MYOZ3: variants seen among roughly 807,000 people sequenced by gnomAD.
MYOZ3 encodes the protein myozenin-3.
Under a neutral mutation model 26.5 loss-of-function variants are expected in MYOZ3, and 19 were observed. The observed-to-expected ratio is 0.72, with a 90% confidence interval of 0.50 to 1.05. MYOZ3 has a LOEUF of 1.05. Ranked by LOEUF, MYOZ3 falls within the 50% of genes least tolerant of loss-of-function variation. The probability of loss-of-function intolerance (pLI) is 0.00; values close to 1 mark genes in which losing one functional copy is unlikely to be tolerated. For synonymous variants in MYOZ3, 135 were observed against 138.8 expected, an observed-to-expected ratio of 0.97 and a Z score of 0.19; for missense variants, 322 against 337.1, an observed-to-expected ratio of 0.96 and a Z score of 0.35.
intron 2 of MYOZ3, among the ~76,000 whole-genome samples, chr5:150,665,949 C>T (rs753171140): frequency 1.3e-5 from 2 of 150,938 alleles, no homozygotes; most frequent in Non-Finnish European, 2.9e-5. Context: ...GCAGGAGAAT[C>T]GCTTGAACCC....
chr5:150,672,679 AGT>A (rs1003270626), intron 6 of MYOZ3, 177 bp downstream of exon 6: 1 of 668,640 alleles, frequency 1.5e-6, no homozygotes, highest in African/African-American at 1.8e-5. Context: ...GTAGGTGCTC[AGT>A]TAACGTGGGA....
At chr5:150,663,782 C>T (rs937179329) in intron 2 of MYOZ3, among the ~76,000 whole-genome samples, 25 of 151,672 alleles carry the variant, frequency 1.6e-4, no homozygotes, top group Admixed American at 1.2e-3. Context: ...ATTGCTTGAG[C>T]CCAGGAGTTT....
intron 5 of MYOZ3, 148 bp downstream of exon 5, chr5:150,672,056 C>A: frequency 1.6e-6 from 2 of 1,279,270 alleles, no homozygotes; most frequent in South Asian, 1.4e-5. Context: ...CGCCAGACCA[C>A]GAGCCGGAGG....
intron 2 of MYOZ3, among the ~76,000 whole-genome samples, chr5:150,666,912 C>T (rs1385742555): frequency 6.6e-6 from 1 of 151,948 alleles, no homozygotes; most frequent in East Asian, 1.9e-4. Flanking sequence ...GCACACGCCA[C>T]CATGCCTGGC....
At chr5:150,666,957 C>T (rs201007179) in intron 2 of MYOZ3, among the ~76,000 whole-genome samples, 1 of 152,074 alleles carries the variant, frequency 6.6e-6, no homozygotes, top group East Asian at 1.9e-4. Context: ...AGGGGTTTTG[C>T]CATGTTGGCC....
At chr5:150,671,345 A>G (rs1277876053) in intron 3 of MYOZ3, 3 of 550,360 alleles carry the variant, frequency 5.5e-6, no homozygotes, top group Non-Finnish European at 9.7e-6. Context: ...TTCTATCGAG[A>G]AGGACATTGA....
chr5:150,672,139 C>G, intron 5 of MYOZ3: 1 of 1,031,092 alleles, frequency 9.7e-7, no homozygotes, highest in Non-Finnish European at 1.5e-6. Context: ...TCGTGGCTTC[C>G]TCACTGCAGT....
At chr5:150,668,133 G>A (rs1447280426) in intron 2 of MYOZ3, among the ~76,000 whole-genome samples, 1 of 152,074 alleles carries the variant, frequency 6.6e-6, no homozygotes, top group Non-Finnish European at 1.5e-5. Context: ...GAAAAACCAG[G>A]CCAGTTGTCC....
rs747905879 is a variant in MYOZ3 at position 150,670,508 on chromosome 5, A to G, written c.86A>G (p.Lys29Arg). The stretch of plus-strand genomic sequence containing the variant: ...GTCCCTACGCTGGACCTGGGCAAGA[A>G]GCTGAGCGTGCCCCAGGACCTGATG... ...EPVPTLDLGK[K>R]LSVPQDLMME... Residue 29 changes from lysine to arginine, a missense_variant, in exon 3 of 7, where the codon AAG becomes AGG. Lys to Arg is a conservative substitution (Grantham distance 26, BLOSUM62 2). Coordinates refer to ENST00000517768, the MANE Select transcript of MYOZ3 (RefSeq NM_001122853.3). The G allele has an allele frequency of 1.2e-6, 2 of 1,612,748 alleles. No homozygotes were observed. The highest frequency in any genetic ancestry group is 2.2e-5 in the East Asian group (1 of 44,858).
At chr5:150,671,572 G>A in intron 3 of MYOZ3, 25 bp from the exon 4 acceptor site, 1 of 1,613,826 alleles carries the variant, frequency 6.2e-7, no homozygotes, top group Non-Finnish European at 8.5e-7. Context: ...CTTCTCTGCG[G>A]TTTATTCTAC....
At position 150,662,732 on chromosome 5, in the gene MYOZ3, A is replaced by C. The variant is rs78253191; in HGVS notation, c.-1-209A>C. Among the ~76,000 whole-genome samples, 352 of 152,302 alleles carry C rather than the reference A, an allele frequency of 2.3e-3. 1 individual carries two copies. Among genetic ancestry groups the C allele is most frequent in the African/African-American group, 8.0e-3 (332 of 41,568 alleles). ...TAGCAACATGAAAATAGATTCGTGCAAACTTGAGCACCTCCCTCTCGTTCC... is the reference window on the plus strand; with the variant it reads ...TAGCAACATGAAAATAGATTCGTGCCAACTTGAGCACCTCCCTCTCGTTCC... On this transcript the variant is annotated intron_variant, in intron 1 of 6. Coordinates refer to ENST00000517768, the MANE Select transcript of MYOZ3 (RefSeq NM_001122853.3).
rs1459728362 is a variant in MYOZ3 at position 150,670,539 on chromosome 5, G to C, written c.117G>C (p.Glu39Asp). The C allele has an allele frequency of 6.2e-7, 1 of 1,613,314 alleles. No homozygotes were observed. The highest frequency in any genetic ancestry group is 2.2e-5 in the East Asian group (1 of 44,870). ...GCGTGCCCCAGGACCTGATGATGGAGGAGCTGTCACTACGCAACAACAGAG... is the reference window on the plus strand; with the variant it reads ...GCGTGCCCCAGGACCTGATGATGGACGAGCTGTCACTACGCAACAACAGAG... Reference protein sequence around the residue: ...KLSVPQDLMMEELSLRNNRGS... With the variant: ...KLSVPQDLMMDELSLRNNRGS... The change falls in exon 3 of 7, where the codon GAG becomes GAC. Residue 39 changes from glutamate to aspartate, a missense_variant. Glu to Asp is a conservative substitution (Grantham distance 45). Transcript: ENST00000517768.
At chr5:150,676,604 T>A in intron 6 of MYOZ3, 103 bp from the exon 7 acceptor site, 9 of 891,036 alleles carry the variant, frequency 1.0e-5, no homozygotes, top group Admixed American at 2.4e-5. Context: ...AAACTGAGGC[T>A]CAGAGAGCGG....
At chr5:150,668,159 G>A (rs762056251) in intron 2 of MYOZ3, among the ~76,000 whole-genome samples, 5 of 152,048 alleles carry the variant, frequency 3.3e-5, no homozygotes, top group East Asian at 1.9e-4. Context: ...AATGTCCTGC[G>A]TCCTGGATTT....
intron 6 of MYOZ3, 133 bp downstream of exon 6, chr5:150,672,635 C>T: frequency 9.0e-7 from 1 of 1,115,916 alleles, no homozygotes; most frequent in Non-Finnish European, 1.3e-6. Flanking sequence ...TATTCATTGA[C>T]TGAGCTCTGG....
chr5:150,673,431 C>T (rs1758956403), intron 6 of MYOZ3: 1 of 152,236 alleles, frequency 6.6e-6, no homozygotes, highest in South Asian at 2.1e-4. Context: ...ACCTCTTCCT[C>T]CTGGGTTCAA....
At chr5:150,675,061 A>G (rs1581537612) in intron 6 of MYOZ3, among the ~76,000 whole-genome samples, 1 of 152,170 alleles carries the variant, frequency 6.6e-6, no homozygotes, top group Non-Finnish European at 1.5e-5. Flanking sequence ...AATCACATAC[A>G]TAGGTTCTCT....
chr5:150,677,021 G>A lies in MYOZ3; in HGVS notation c.*146G>A, dbSNP rs1202405321. Reference sequence around the variant, plus strand: ...GCTTCAGAGGTCACCAAGTTCAGTCGTCCCAAAACATGGGTGTGTTTCAAA... The same window carrying A: ...GCTTCAGAGGTCACCAAGTTCAGTCATCCCAAAACATGGGTGTGTTTCAAA... On this transcript the variant is annotated 3_prime_UTR_variant, in exon 7 of 7. Transcript: ENST00000517768. The A allele has an allele frequency of 2.3e-5, 17 of 736,390 alleles. No homozygotes were observed. The highest frequency in any genetic ancestry group is 5.3e-5 in the African/African-American group (3 of 56,698). The allele number at this position is 736,390 out of a possible 1,614,324, so 45.6% of individuals were successfully genotyped here.
chr5:150,670,167 A>G (rs910123071), intron 2 of MYOZ3: 4 of 205,414 alleles, frequency 1.9e-5, no homozygotes, highest in African/African-American at 9.3e-5. Context: ...AAATATCGAG[A>G]ATCTGACCAT....
Sources: allele counts gnomAD v4.1 joint callset (sites outside exome capture counted in the v4.1 genomes callset), GRCh38; gene constraint gnomAD v4.1.1; transcripts MANE v1.5; gene names NCBI Gene and HGNC (gene_info 2026-07-23, HGNC 2026-07-21).